The following NBPF9 variants were observed in gnomAD, a reference collection of about 807,000 sequenced individuals.
NBPF9 encodes NBPF family member NBPF9.
Under a neutral mutation model 97.8 loss-of-function variants are expected in NBPF9, and 91 were observed. The ratio of observed to expected loss-of-function variants is 0.93; its 90% CI spans 0.79 to 1.11. The LOEUF is 1.11. NBPF9 is among the 50% of genes least tolerant of loss of function. The pLI is 0.00. For missense variants in NBPF9, 992 were observed against 939.5 expected, an observed-to-expected ratio of 1.06 and a Z score of -0.73; for synonymous variants, 334 against 359.5, an observed-to-expected ratio of 0.93 and a Z score of 0.80.
intron 5 of NBPF9, among the ~76,000 whole-genome samples, chr1:149,082,752 G>A (rs2080592729): frequency 1.4e-5 from 2 of 146,960 alleles, no homozygotes; most frequent in East Asian, 4.0e-4. Context: ...ATAAAAAAAT[G>A]GAATCATTTA....
intron 2 of NBPF9, among the ~76,000 whole-genome samples, chr1:149,102,408 T>C: frequency 6.6e-6 from 1 of 151,104 alleles, no homozygotes; most frequent in Non-Finnish European, 1.5e-5. Context: ...CTAACACATA[T>C]CAGCTCAGAA....
chr1:149,077,844 G>T, intron 10 of NBPF9, 39 bp downstream of exon 10: 2 of 1,594,204 alleles, frequency 1.3e-6, no homozygotes, highest in East Asian at 4.5e-5. Context: ...ATCTTCATAT[G>T]TTACCACCCA....
At chr1:149,082,843 G>C (rs782441824) in intron 5 of NBPF9, among the ~76,000 whole-genome samples, 1 of 145,834 alleles carries the variant, frequency 6.9e-6, no homozygotes, top group African/African-American at 2.5e-5. Flanking sequence ...GCAGTGACGC[G>C]ATCTAGGCTC....
intron 14 of NBPF9, 41 bp downstream of exon 14, chr1:149,072,677 A>G: frequency 1.9e-6 from 3 of 1,605,926 alleles, no homozygotes; most frequent in East Asian, 4.5e-5. Context: ...GCCTCTCATA[A>G]GCCTGGGGTT....
At chr1:149,075,534 T>C (rs2079785375) in intron 12 of NBPF9, 121 bp downstream of exon 12, 1 of 1,263,430 alleles carries the variant, frequency 7.9e-7, no homozygotes, top group Non-Finnish European at 1.2e-6. Context: ...AATACCCATT[T>C]CTGTTTTCCT....
rs1426399641 is a variant in NBPF9, at chr1:149,068,215, C to G, written c.1637+1379G>C. Among the ~76,000 whole-genome samples, 3 of 148,804 alleles carry G rather than the reference C, an allele frequency of 2.0e-5. 1 individual carries two copies. The highest frequency in any genetic ancestry group is 7.5e-5 in the African/African-American group (3 of 39,776). ...CATTGACGCTAGGAAGAAACTGCATCAACTAACGGGTGAAATAACCAGCTA... is the reference window on the plus strand; with the variant it reads ...CATTGACGCTAGGAAGAAACTGCATGAACTAACGGGTGAAATAACCAGCTA... On this transcript the variant is annotated intron_variant, in intron 17 of 29. Coordinates refer to ENST00000584027, the Ensembl canonical transcript of NBPF9.
At chr1:149,075,259 A>C (rs587605413) in intron 12 of NBPF9, among the ~76,000 whole-genome samples, 3 of 152,250 alleles carry the variant, frequency 2.0e-5, no homozygotes, top group South Asian at 2.1e-4. Context: ...GTTGGGCCTC[A>C]ACAGAAACTT....
At chr1:149,062,340 C>A (rs2078670300) in intron 21 of NBPF9, 75 bp from the exon 22 acceptor site, 1 of 612,046 alleles carries the variant, frequency 1.6e-6, no homozygotes, top group African/African-American at 2.0e-5. Context: ...GATTTCATGG[C>A]TAACATAAGG....
chr1:149,087,332 T>TAC (rs1199735548), intron 5 of NBPF9, among the ~76,000 whole-genome samples: 10,455 of 147,020 alleles, frequency 0.071, 724 homozygotes, highest in East Asian at 0.44. Flanking sequence ...TATATATATA[T>TAC]ACACACACAC....
At chr1:149,097,485 C>T (rs28604359) in intron 4 of NBPF9, among the ~76,000 whole-genome samples, 3 of 152,340 alleles carry the variant, frequency 2.0e-5, no homozygotes, top group East Asian at 3.9e-4. Context: ...CCGCAACCTT[C>T]CCTGCTGCTC....
intron 17 of NBPF9, 23 bp downstream of exon 17, chr1:149,069,571 A>AAT (rs2079243346): frequency 1.4e-6 from 1 of 732,070 alleles, no homozygotes; most frequent in African/African-American, 2.0e-5. Context: ...CTGAATTAAC[A>AAT]GCCAACAATT....
At chr1:149,057,732 C>A (rs1195551776) in intron 27 of NBPF9, among the ~76,000 whole-genome samples, 8 of 95,256 alleles carry the variant, frequency 8.4e-5, no homozygotes, top group East Asian at 4.0e-4. Flanking sequence ...CACACACACA[C>A]ACACACACAC....
In NBPF9 at chr1:149,075,135, A is replaced by G. The variant is rs1169177998; in HGVS notation, c.988+520T>C. The stretch of plus-strand genomic sequence containing the variant: ...CCTACTCCCTGCTCTTGATGCTGTC[A>G]TTTATAGACAGCACAGGTTCTATTA... On this transcript the variant is annotated intron_variant, in intron 12 of 29. Transcript: ENST00000584027. 4.0e-5 allele frequency among the ~76,000 whole-genome samples: 6 copies of G among 151,412 alleles called. No individual in the cohort carries two copies. In the East Asian group the frequency reaches 9.6e-4, roughly 24 times the overall value.
exon 24 of NBPF9, chr1:149,060,547 C>A: frequency 2.7e-6 from 1 of 364,896 alleles, no homozygotes; most frequent in Non-Finnish European, 4.8e-6. Context: ...GAAAAGCCAA[C>A]ATGTTTTTCC....
chr1:149,075,364 A>T (rs1363277593), intron 12 of NBPF9, among the ~76,000 whole-genome samples: 5 of 152,194 alleles, frequency 3.3e-5, no homozygotes, highest in Non-Finnish European at 7.4e-5. Context: ...GGATTCTTGA[A>T]AACACGATTG....
chr1:149,062,166 G>A (rs782268482), exon 22 of NBPF9: 1 of 905,870 alleles, frequency 1.1e-6, no homozygotes, highest in Non-Finnish European at 1.9e-6. Context: ...GCTGGCCTAA[G>A]TCAGGCAGTT....
At chr1:149,063,518 G>C (rs1444508632) in intron 20 of NBPF9, 115 bp downstream of exon 20, 11 of 700,858 alleles carry the variant, frequency 1.6e-5, no homozygotes, top group Non-Finnish European at 2.5e-5. Context: ...TGTGCCTATA[G>C]GTCCTCCCTG....
chr1:149,082,957 C>CTTTTTCTTT (rs2080627961), intron 5 of NBPF9, among the ~76,000 whole-genome samples: 1 of 66,470 alleles, frequency 1.5e-5, no homozygotes, highest in African/African-American at 6.2e-5. Context: ...TTTTTCTTTT[C>CTTTTTCTTT]TTTTTTTTTT....
At position 149,073,890 on chromosome 1, in the gene NBPF9, C is replaced by A. The variant is rs782533634; in HGVS notation, c.989-20G>T. ...CATACTCTGAGAAAAGACAGACACG[C>A]CTGCCTCAGTGGAAGGCTGGACATG... On this transcript the variant is annotated intron_variant, in intron 12 of 29. Coordinates refer to ENST00000584027, the Ensembl canonical transcript of NBPF9. 148 of 1,425,950 alleles carry A rather than the reference C, an allele frequency of 1.0e-4. 2 individuals are homozygous for A. The highest frequency in any genetic ancestry group is 4.6e-5 in the Non-Finnish European group (47 of 1,021,082). The allele number at this position is 1,425,950 out of a possible 1,614,324, so 88.3% of individuals were successfully genotyped here.
Sources: gnomAD v4.1 joint callset for allele counts (sites outside exome capture counted in the v4.1 genomes callset) on GRCh38, gnomAD v4.1.1 for gene constraint, MANE v1.5 for transcripts, NCBI Gene and HGNC (gene_info 2026-07-23, HGNC 2026-07-21) for gene names.